The following ZMYM2 variants were observed in gnomAD, a reference collection of about 807,000 sequenced individuals.
The protein encoded by ZMYM2 is zinc finger MYM-type protein 2.
ZMYM2 carries 56 observed loss-of-function variants against 162.8 expected under a neutral mutation model. The ratio of observed to expected loss-of-function variants is 0.34; its 90% CI spans 0.28 to 0.43. The LOEUF (loss-of-function observed/expected upper bound fraction) is 0.43, where lower values mean the gene tolerates loss of function less well. Among genes scored for constraint, ZMYM2 ranks in the 20% least tolerant of loss-of-function variants. The probability of loss-of-function intolerance (pLI) is 1.00; values close to 1 mark genes in which losing one functional copy is unlikely to be tolerated. For synonymous variants in ZMYM2, 510 were observed against 541.6 expected (o/e 0.94, Z 0.81); for missense variants, 1,275 against 1,621.8 (o/e 0.79, Z 3.67).
intron 2 of ZMYM2, among the ~76,000 whole-genome samples, chr13:19,991,339 C>G (rs1293697054): frequency 6.6e-6 from 1 of 151,746 alleles, no homozygotes; most frequent in African/African-American, 2.4e-5. Flanking sequence ...AGGCTGGTCT[C>G]GAACTCCTGG....
chr13:20,039,036 G>T (rs1006422495), intron 12 of ZMYM2, among the ~76,000 whole-genome samples: 2 of 151,922 alleles, frequency 1.3e-5, no homozygotes, highest in African/African-American at 4.8e-5. Context: ...TCTTTTTGTG[G>T]CAATTTTCAA....
chr13:20,064,624 G>T (rs1956530314), intron 19 of ZMYM2, 79 bp downstream of exon 19: 1 of 1,061,092 alleles, frequency 9.4e-7, no homozygotes, highest in Non-Finnish European at 1.2e-6. Context: ...GTGTGCCTGA[G>T]AATATGGGAA....
chr13:19,870,529 CTT>C, the ZMYM2 span, among the ~76,000 whole-genome samples: 9,999 of 85,204 alleles, frequency 0.12, 373 homozygotes, highest in Middle Eastern at 0.16. Flanking sequence ...TTCTCTCTTT[CTT>C]TCTTTCTCTT....
the ZMYM2 span, among the ~76,000 whole-genome samples, chr13:19,947,435 G>GCTT: frequency 2.1e-5 from 3 of 145,800 alleles, no homozygotes; most frequent in African/African-American, 7.6e-5. Context: ...GTTATGTATC[G>GCTT]CTTCTTCTTC....
At chr13:19,884,016 C>CA in the ZMYM2 span, among the ~76,000 whole-genome samples, 2 of 152,206 alleles carry the variant, frequency 1.3e-5, no homozygotes, top group South Asian at 4.1e-4. Context: ...GTTTGACCTC[C>CA]AAAAGCGCTG....
chr13:19,870,340 G>A, the ZMYM2 span, among the ~76,000 whole-genome samples: 1 of 151,956 alleles, frequency 6.6e-6, no homozygotes, highest in Non-Finnish European at 1.5e-5. Flanking sequence ...ATTTTTTGTA[G>A]TTGCCCAGGC....
chr13:19,915,292 A>G, the ZMYM2 span, among the ~76,000 whole-genome samples: 2 of 151,834 alleles, frequency 1.3e-5, no homozygotes, highest in Admixed American at 1.3e-4. Context: ...GATAGATCTC[A>G]CTATGTTGGC....
At chr13:19,902,911 C>G in the ZMYM2 span, among the ~76,000 whole-genome samples, 1 of 152,008 alleles carries the variant, frequency 6.6e-6, no homozygotes, top group Non-Finnish European at 1.5e-5. Flanking sequence ...AATCCCAACA[C>G]TTTGGGAGGC....
intron 2 of ZMYM2, among the ~76,000 whole-genome samples, chr13:19,991,345 C>T (rs1430626780): frequency 6.6e-6 from 1 of 151,892 alleles, no homozygotes; most frequent in Non-Finnish European, 1.5e-5. Flanking sequence ...GTCTCGAACT[C>T]CTGGGCTCAA....
chr13:19,915,626 C>T, the ZMYM2 span, among the ~76,000 whole-genome samples: 1 of 151,960 alleles, frequency 6.6e-6, no homozygotes, highest in Non-Finnish European at 1.5e-5. Context: ...TCCTCAACCT[C>T]CCTAGTAGCT....
the ZMYM2 span, among the ~76,000 whole-genome samples, chr13:19,878,936 G>A: frequency 1.8e-4 from 27 of 152,184 alleles, no homozygotes; most frequent in Admixed American, 1.8e-3. Context: ...CCTATTCTGT[G>A]GGTTGCCTTT....
intron 3 of ZMYM2, among the ~76,000 whole-genome samples, chr13:20,002,324 C>T (rs1950457374): frequency 2.0e-5 from 3 of 152,134 alleles, no homozygotes; most frequent in African/African-American, 7.2e-5. Flanking sequence ...TTAATACTTC[C>T]TATATGCCAG....
At chr13:20,066,787 G>T in intron 19 of ZMYM2, 64 bp from the exon 20 acceptor site, 4 of 1,418,036 alleles carry the variant, frequency 2.8e-6, no homozygotes, top group Non-Finnish European at 3.7e-6. Flanking sequence ...GAGATGGCTT[G>T]TATAAAGTAA....
rs757080610 is a variant in ZMYM2, at chr13:20,083,728, A to G, written c.3893A>G (p.Asn1298Ser). The G allele has an allele frequency of 2.9e-5, 46 of 1,600,732 alleles. No homozygotes were observed. The highest frequency in any genetic ancestry group is 7.9e-5 in the South Asian group (7 of 88,788). The change falls in exon 24 of 25, where the codon AAT becomes AGT. Residue 1298 changes from asparagine (N) to serine (S), a missense_variant. This residue lies in a region of ZMYM2 where 103 missense variants were observed against 192.2 expected (regional missense o/e 0.54). Transcript: ENST00000610343. ...TTTGAACAAATTGAAAACACAGCCA[A>G]TCCTTCCAGATGTCCTGTGAAAATG... ...PVFEQIENTANPSRCPVKMFE... is the reference protein window; with the variant it reads ...PVFEQIENTASPSRCPVKMFE...
At chr13:19,912,890 C>A in the ZMYM2 span, among the ~76,000 whole-genome samples, 4 of 152,090 alleles carry the variant, frequency 2.6e-5, no homozygotes, top group Non-Finnish European at 5.9e-5. Context: ...TTACACCTGC[C>A]CCCAACTATA....
At chr13:20,058,800 C>G (rs1276490744) in intron 15 of ZMYM2, 96 bp downstream of exon 15, 5 of 1,492,938 alleles carry the variant, frequency 3.3e-6, no homozygotes, top group Non-Finnish European at 4.6e-6. Flanking sequence ...AGGATAGATT[C>G]ATTTGGTCAA....
At chr13:20,077,942 C>T (rs945924623) in intron 21 of ZMYM2, among the ~76,000 whole-genome samples, 3 of 151,564 alleles carry the variant, frequency 2.0e-5, no homozygotes, top group Non-Finnish European at 4.4e-5. Context: ...CTCAGCCTCC[C>T]GAATAGCTGG....
At chr13:20,054,938 T>C (rs1450105430) in intron 14 of ZMYM2, among the ~76,000 whole-genome samples, 1 of 152,034 alleles carries the variant, frequency 6.6e-6, no homozygotes, top group Non-Finnish European at 1.5e-5. Context: ...GCTTTAAGTA[T>C]AGTTGACCCT....
At chr13:19,975,459 A>G (rs902820227) in intron 2 of ZMYM2, among the ~76,000 whole-genome samples, 15 of 152,178 alleles carry the variant, frequency 9.9e-5, no homozygotes, top group Admixed American at 7.9e-4. Context: ...ACTTAGCATA[A>G]TGTTTTCAAA....
Sources: allele counts gnomAD v4.1 joint callset (sites outside exome capture counted in the v4.1 genomes callset), GRCh38; gene constraint gnomAD v4.1.1; regional missense constraint gnomAD v4.1.1; transcripts MANE v1.5; gene names NCBI Gene and HGNC (gene_info 2026-07-23, HGNC 2026-07-21).